The following ARHGAP15 variants were observed in gnomAD, a reference collection of about 807,000 sequenced individuals.
ARHGAP15 encodes the protein rho GTPase-activating protein 15.
Under a neutral mutation model 63.7 loss-of-function variants are expected in ARHGAP15, and 51 were observed. The observed-to-expected ratio is 0.80, with a 90% CI of 0.64 to 1.01. The LOEUF (loss-of-function observed/expected upper bound fraction) is 1.01. Ranked by LOEUF, ARHGAP15 falls within the 50% of genes least tolerant of loss-of-function variation. The pLI is 0.00. For missense variants in ARHGAP15, 560 were observed against 564.6 expected (o/e 0.99, Z 0.08); for synonymous variants, 191 against 193.8 (o/e 0.99, Z 0.12).
intron 13 of ARHGAP15, among the ~76,000 whole-genome samples, chr2:143,750,211 A>G (rs923461441): frequency 2.0e-5 from 3 of 152,212 alleles, no homozygotes; most frequent in African/African-American, 7.2e-5. Flanking sequence ...AGGCCGAGGT[A>G]GGCAGATCAC....
intron 13 of ARHGAP15, among the ~76,000 whole-genome samples, chr2:143,752,641 A>T (rs1686423984): frequency 1.3e-5 from 2 of 152,178 alleles, no homozygotes; most frequent in South Asian, 4.1e-4. Context: ...AGCCCCTGAA[A>T]CAGAGTTTGG....
chr2:143,728,835 T>C (rs1363524737), intron 13 of ARHGAP15, among the ~76,000 whole-genome samples: 1 of 152,204 alleles, frequency 6.6e-6, no homozygotes, highest in Non-Finnish European at 1.5e-5. Flanking sequence ...GCTACCACTC[T>C]CACAATAAAA....
At chr2:143,478,001 A>C (rs1691903013) in intron 8 of ARHGAP15, among the ~76,000 whole-genome samples, 1 of 152,254 alleles carries the variant, frequency 6.6e-6, no homozygotes. Flanking sequence ...GTGTGAGGGC[A>C]GGGGTAAAAC....
chr2:143,612,680 G>C (rs1698302718), intron 11 of ARHGAP15, among the ~76,000 whole-genome samples: 2 of 152,164 alleles, frequency 1.3e-5, no homozygotes, highest in South Asian at 4.1e-4. Flanking sequence ...AAGCCAAAAG[G>C]CATCCCAGTG....
At chr2:143,505,196 A>G (rs901943096) in intron 9 of ARHGAP15, among the ~76,000 whole-genome samples, 4 of 152,182 alleles carry the variant, frequency 2.6e-5, no homozygotes. Flanking sequence ...GTAAGCATCC[A>G]TGGTGGCGAA....
intron 6 of ARHGAP15, among the ~76,000 whole-genome samples, chr2:143,308,919 T>A (rs1683304832): frequency 7.4e-6 from 1 of 134,576 alleles, no homozygotes; most frequent in Non-Finnish European, 1.6e-5. Flanking sequence ...TATTTGGTAT[T>A]GACCTTCCTG....
chr2:143,219,482 T>G (rs1259151461), intron 4 of ARHGAP15, among the ~76,000 whole-genome samples: 2 of 152,248 alleles, frequency 1.3e-5, no homozygotes, highest in Non-Finnish European at 1.5e-5. Flanking sequence ...ACATCTAAGT[T>G]GCCTCTAACT....
chr2:143,578,530 T>C (rs1696763896), intron 11 of ARHGAP15, among the ~76,000 whole-genome samples: 1 of 152,172 alleles, frequency 6.6e-6, no homozygotes, highest in African/African-American at 2.4e-5. Context: ...CTCTAGGCCA[T>C]CTAGAAAGCG....
intron 11 of ARHGAP15, among the ~76,000 whole-genome samples, chr2:143,571,198 T>G (rs1233742220): frequency 6.6e-6 from 1 of 152,202 alleles, no homozygotes; most frequent in East Asian, 1.9e-4. Context: ...GAGGTTCCCA[T>G]TGATTCTACA....
chr2:143,486,242 T>C (rs1392579673), intron 8 of ARHGAP15, among the ~76,000 whole-genome samples: 1 of 152,118 alleles, frequency 6.6e-6, no homozygotes, highest in Admixed American at 6.6e-5. Context: ...ATATCTTGTC[T>C]ACAGACACAA....
At chr2:143,478,206 C>T (rs1476697466) in intron 8 of ARHGAP15, among the ~76,000 whole-genome samples, 1 of 152,168 alleles carries the variant, frequency 6.6e-6, no homozygotes, top group Non-Finnish European at 1.5e-5. Context: ...CAGTTCTGTC[C>T]TACCCAGATG....
chr2:143,492,252 C>T (rs1380206588), intron 9 of ARHGAP15, among the ~76,000 whole-genome samples: 2 of 152,152 alleles, frequency 1.3e-5, no homozygotes, highest in African/African-American at 4.8e-5. Flanking sequence ...CATTAGCTTT[C>T]TCCACAACTT....
chr2:143,651,460 G>T (rs1372920144), intron 12 of ARHGAP15, among the ~76,000 whole-genome samples: 2 of 151,928 alleles, frequency 1.3e-5, no homozygotes, highest in African/African-American at 2.4e-5. Context: ...ATTTGCTTAT[G>T]ATTTTATTTA....
intron 6 of ARHGAP15, among the ~76,000 whole-genome samples, chr2:143,413,038 A>G (rs1369751362): frequency 1.3e-5 from 2 of 152,164 alleles, no homozygotes; most frequent in Non-Finnish European, 2.9e-5. Flanking sequence ...AAAATATTGT[A>G]TCTATATCTG....
At chr2:143,582,066 C>G (rs551628564) in intron 11 of ARHGAP15, among the ~76,000 whole-genome samples, 1 of 152,226 alleles carries the variant, frequency 6.6e-6, no homozygotes, top group East Asian at 1.9e-4. Context: ...TAATATTAGA[C>G]GTGATATAAG....
Position 143,768,116 on chromosome 2 carries a change from A to G in ARHGAP15, c.1372A>G (p.Ile458Val), listed in dbSNP as rs1473524669. The stretch of plus-strand genomic sequence containing the variant: ...GATCCACATGGTCTACCAGAACCAG[A>G]TAGCTGAGCTCATGCTGAGTGAGTA... ...MAIHMVYQNQ[I>V]AELMLSEYSK... Residue 458 changes from isoleucine (I) to valine (V), a missense_variant, in exon 14 of 14, where the codon ATA (isoleucine) becomes GTA (valine). Transcript: ENST00000295095. 3 of 1,613,782 alleles carry G rather than the reference A, an allele frequency of 1.9e-6. No homozygotes were observed. Among genetic ancestry groups the G allele is most frequent in the African/African-American group, 2.7e-5 (2 of 74,918 alleles).
At chr2:143,301,127 G>C (rs988339002) in intron 6 of ARHGAP15, among the ~76,000 whole-genome samples, 1 of 151,794 alleles carries the variant, frequency 6.6e-6, no homozygotes, top group Non-Finnish European at 1.5e-5. Flanking sequence ...ATATGAATGA[G>C]ATGTTCCTGA....
In ARHGAP15 at chr2:143,146,762, T is replaced by C. The variant is rs1689608797; in HGVS notation, c.-14-8715T>C. Among the ~76,000 whole-genome samples the C allele has an allele frequency of 1.3e-5, 2 of 152,094 alleles. 1 individual carries two copies. The highest frequency in any genetic ancestry group is 4.1e-4 in the South Asian group (2 of 4,834). ...GTTATTGTCCTTCACAACAATAGAC[T>C]ATGACATTAGTGTCCCATCATTAGA... On this transcript the variant is annotated intron_variant, in intron 1 of 13. Coordinates refer to ENST00000295095, the MANE Select transcript of ARHGAP15 (RefSeq NM_018460.4).
At chr2:143,367,531 C>A (rs1686347712) in intron 6 of ARHGAP15, among the ~76,000 whole-genome samples, 1 of 151,716 alleles carries the variant, frequency 6.6e-6, no homozygotes, top group African/African-American at 2.4e-5. Context: ...TTTTTATTTC[C>A]AGTATATTTA....
Sources: gnomAD v4.1 joint callset for allele counts (sites outside exome capture counted in the v4.1 genomes callset) on GRCh38, gnomAD v4.1.1 for gene constraint, MANE v1.5 for transcripts, NCBI Gene and HGNC (gene_info 2026-07-23, HGNC 2026-07-21) for gene names.